ZDHHC5: variants seen among roughly 807,000 people sequenced by gnomAD.
The protein encoded by ZDHHC5 is palmitoyltransferase ZDHHC5.
A neutral mutation model predicts 70.0 loss-of-function variants in ZDHHC5; 22 were observed. The ratio of observed to expected loss-of-function variants is 0.31; its 90% CI spans 0.22 to 0.45. ZDHHC5 has a LOEUF of 0.45. ZDHHC5 is among the 20% of genes least tolerant of loss of function. The probability of loss-of-function intolerance (pLI) is 1.00; values close to 1 mark genes in which losing one functional copy is unlikely to be tolerated. For synonymous variants in ZDHHC5, 313 were observed against 347.8 expected, an observed-to-expected ratio of 0.90 and a Z score of 1.11; for missense variants, 746 against 926.9, an observed-to-expected ratio of 0.80 and a Z score of 2.53.
At position 57,692,668 on chromosome 11, in the gene ZDHHC5, G is replaced by C; in HGVS notation, c.718G>C (p.Val240Leu). 1.2e-6 allele frequency: 2 copies of C among 1,614,142 alleles called. No homozygotes were observed. Among genetic ancestry groups the C allele is most frequent in the Non-Finnish European group, 1.7e-6 (2 of 1,180,026 alleles). Residue 240 changes from valine (V) to leucine (L), a missense_variant, in exon 7 of 12, where the codon GTC (valine) becomes CTC (leucine). Coordinates refer to ENST00000287169, the MANE Select transcript of ZDHHC5 (RefSeq NM_015457.3). ...CTTCACCAATGGCTGCTGTAACAAT[G>C]TCAGCCGTGTTCTCTGCAGTTCTCC... ...NPFTNGCCNN[V>L]SRVLCSSPAP...
rs184775241 is a variant in ZDHHC5, at chr11:57,668,999, A to G, written c.-1071+812A>G. On this transcript the variant is annotated intron_variant, in intron 1 of 11. Transcript: ENST00000287169. ...GCCTTGGATTCTTCACTTCCTGGTTAATGCCATCTTGACCAAGTTGATCTA... is the reference window on the plus strand; with the variant it reads ...GCCTTGGATTCTTCACTTCCTGGTTGATGCCATCTTGACCAAGTTGATCTA... Among the ~76,000 whole-genome samples the G allele has an allele frequency of 8.6e-4, 131 of 152,334 alleles. 2 individuals carry two copies. Among genetic ancestry groups the G allele is most frequent in the African/African-American group, 2.9e-3 (121 of 41,574 alleles).
chr11:57,687,756 G>GTTTTTTTTTTTTTTTTTTTT (rs746146074), intron 3 of ZDHHC5, among the ~76,000 whole-genome samples: 1 of 75,274 alleles, frequency 1.3e-5, no homozygotes, highest in African/African-American at 5.2e-5. Flanking sequence ...TTTTGGGAAA[G>GTTTTTTTTTTTTTTTTTTTT]TTTTTTTTTT....
Position 57,672,279 on chromosome 11 carries a change from G to A in ZDHHC5, c.-812G>A, listed in dbSNP as rs1946016129. On this transcript the variant is annotated 5_prime_UTR_variant, in exon 2 of 12. Coordinates refer to ENST00000287169, the MANE Select transcript of ZDHHC5 (RefSeq NM_015457.3). ...GAAACAGAGCCCTTAAAGGGCTTGG[G>A]AATAACAAGAAGAGATTGAAGACAG... 2.5e-6 allele frequency: 1 copy of A among 398,358 alleles called. No homozygotes were observed. Among genetic ancestry groups the A allele is most frequent in the African/African-American group, 2.1e-5 (1 of 48,642 alleles). 24.7% of individuals were successfully genotyped at this position (398,358 alleles called of 1,614,324 possible).
At chr11:57,692,803 A>C in intron 7 of ZDHHC5, 101 bp downstream of exon 7, 2 of 1,181,422 alleles carry the variant, frequency 1.7e-6, no homozygotes, top group Admixed American at 4.7e-5. Context: ...GCCTTTAGGA[A>C]GGGTTCTCTA....
rs1565192832 is a variant in ZDHHC5, at chr11:57,682,428, A to G, written c.111A>G (p.Pro37=). The G allele has an allele frequency of 6.2e-7, 1 of 1,612,724 alleles. No individual in the cohort carries two copies. The highest frequency in any genetic ancestry group is 2.2e-5 in the East Asian group (1 of 44,820). The stretch of plus-strand genomic sequence containing the variant: ...TTCTTTATTGTCTGTGCAGGTGTCC[A>G]GGACTAAGCCTGTATGTGTCACCTG... ...ATTLFFAFTC[P]GLSLYVSPAV... is the part of the protein sequence containing the mutation. The change falls in exon 3 of 12, where the codon CCA becomes CCG. Residue 37 remains proline (P), a synonymous_variant. Transcript: ENST00000287169.
rs779992175 is a variant in ZDHHC5, at chr11:57,698,666, T to C, written c.1230T>C (p.Pro410=). ...PSLEPESFRS[P]TFGKSFHFDP... Reference sequence around the variant, plus strand: ...TGGAACCAGAGAGCTTCCGTTCTCCTACCTTTGGCAAAAGTTTTCACTTCG... The same window carrying C: ...TGGAACCAGAGAGCTTCCGTTCTCCCACCTTTGGCAAAAGTTTTCACTTCG... Residue 410 remains proline (P), a synonymous_variant, in exon 11 of 12, where the codon CCT becomes CCC. Transcript: ENST00000287169. 2 of 1,614,182 alleles carry C rather than the reference T, an allele frequency of 1.2e-6. No homozygotes were observed. Among genetic ancestry groups the C allele is most frequent in the Non-Finnish European group, 1.7e-6 (2 of 1,180,036 alleles).
At chr11:57,687,027 C>T (rs1020085056) in intron 3 of ZDHHC5, among the ~76,000 whole-genome samples, 17 of 151,994 alleles carry the variant, frequency 1.1e-4, no homozygotes, top group African/African-American at 3.6e-4. Context: ...GATGGGGTTT[C>T]GCCATTTTGG....
At chr11:57,687,729 T>TA (rs1297288375) in intron 3 of ZDHHC5, among the ~76,000 whole-genome samples, 1 of 149,572 alleles carries the variant, frequency 6.7e-6, no homozygotes, top group African/African-American at 2.5e-5. Context: ...AGAAAATTCA[T>TA]AGAGTAGGGG....
rs759175821 is a variant in ZDHHC5, at chr11:57,699,286, G to A, written c.1850G>A (p.Arg617Gln). The A allele has an allele frequency of 9.3e-6, 15 of 1,614,092 alleles. No individual in the cohort carries two copies. The highest frequency in any genetic ancestry group is 3.3e-4 in the Middle Eastern group (2 of 6,084). Residue 617 changes from arginine to glutamine, a missense_variant, in exon 11 of 12, where the codon CGG becomes CAG. Coordinates refer to ENST00000287169, the MANE Select transcript of ZDHHC5 (RefSeq NM_015457.3). ...GGCAAGCCAGATGGGCTAAGGGGCC[G>A]GGGAGTAGGGTCCCCTGAACCAGGC... is the stretch of plus-strand genomic sequence containing the variant. ...RFGKPDGLRG[R>Q]GVGSPEPGPT...
In ZDHHC5 at chr11:57,672,811, T is replaced by C. The variant is rs929662288; in HGVS notation, c.-280T>C. The stretch of plus-strand genomic sequence containing the variant: ...TACTGTTTGTCTCCAGTTTTTAAAC[T>C]GTACAAGTTGTGTTTCTTAATCTTC... On this transcript the variant is annotated 5_prime_UTR_variant, in exon 2 of 12. Coordinates refer to ENST00000287169, the MANE Select transcript of ZDHHC5 (RefSeq NM_015457.3). The C allele has an allele frequency of 2.7e-6, 1 of 371,812 alleles. No individual in the cohort carries two copies. 23.0% of individuals were successfully genotyped at this position (371,812 alleles called of 1,614,324 possible). A position where few individuals can be genotyped will look rare whatever the true frequency, so the allele number is the denominator to read the frequency against.
At position 57,693,890 on chromosome 11, in the gene ZDHHC5, T is replaced by A. The variant is rs1946316924; in HGVS notation, c.860T>A (p.Ile287Asn). The A allele has an allele frequency of 1.2e-6, 2 of 1,613,288 alleles. No homozygotes were observed. Among genetic ancestry groups the A allele is most frequent in the South Asian group, 2.2e-5 (2 of 90,864 alleles). The change falls in exon 8 of 12, where the codon ATC (isoleucine) becomes AAC (asparagine). Residue 287 changes from isoleucine to asparagine, a missense_variant. Transcript: ENST00000287169. ...QITVKIMDNGIQGELRRTKSK... is the reference protein window; with the variant it reads ...QITVKIMDNGNQGELRRTKSK... ...ACTGTGAAGATCATGGATAATGGCA[T>A]CCAGGGAGAGCTGAGGAGAACAAAG...
chr11:57,689,395 C>T (rs1946251450), intron 4 of ZDHHC5, among the ~76,000 whole-genome samples: 2 of 151,436 alleles, frequency 1.3e-5, no homozygotes, highest in African/African-American at 2.4e-5. Context: ...ATTTATTTAT[C>T]GAGACGGAGT....
chr11:57,698,754 C>G lies in ZDHHC5; in HGVS notation c.1318C>G (p.Leu440Val). Residue 440 changes from leucine (L) to valine (V), a missense_variant, in exon 11 of 12, where the codon CTG (leucine) becomes GTG (valine). Leu to Val is a conservative substitution (Grantham distance 32). Transcript: ENST00000287169. ...LKSAQGTGFE[L>V]GQLQSIRSEG... ...GTCAGCCCAGGGCACAGGCTTTGAG[C>G]TGGGCCAGTTGCAATCCATTCGTTC... The G allele has an allele frequency of 6.2e-7, 1 of 1,614,202 alleles. No homozygotes were observed. The highest frequency in any genetic ancestry group is 8.5e-7 in the Non-Finnish European group (1 of 1,180,018).
intron 6 of ZDHHC5, among the ~76,000 whole-genome samples, chr11:57,690,739 G>C (rs1649337606): frequency 6.6e-6 from 1 of 152,126 alleles, no homozygotes; most frequent in South Asian, 2.1e-4. Context: ...TGCGCAAACT[G>C]TCGCAAGGAC....
intron 7 of ZDHHC5, among the ~76,000 whole-genome samples, chr11:57,693,015 G>A (rs1590868951): frequency 6.6e-6 from 1 of 152,170 alleles, no homozygotes; most frequent in Middle Eastern, 3.4e-3. Context: ...CTCAGATCAT[G>A]AGGCATTAGA....
rs779792340 is a variant in ZDHHC5 at position 57,693,938 on chromosome 11, G to A, written c.885+23G>A. On this transcript the variant is annotated intron_variant, in intron 8 of 11. Transcript: ENST00000287169. Reference sequence around the variant, plus strand: ...AAGGTGAGGAATTTAGAGAAGTCAAGCTAGATAACATGGAAGTCTCACCCA... The same window carrying A: ...AAGGTGAGGAATTTAGAGAAGTCAAACTAGATAACATGGAAGTCTCACCCA... The A allele has an allele frequency of 3.1e-6, 5 of 1,597,324 alleles. No individual in the cohort carries two copies. The East Asian group carries it at 6.7e-5, about 22-fold the overall frequency.
rs575431064 is a variant in ZDHHC5, at chr11:57,668,127, C to T, written c.-1131C>T. ...CGCGCGCTGCTTCTCTGAGGCAGGA[C>T]GGCACTGCCGGGAGGCGGCGGTGAC... On this transcript the variant is annotated 5_prime_UTR_variant, in exon 1 of 12. The change creates a new upstream start codon in the 5' untranslated region. Transcript: ENST00000287169. 5.4e-6 allele frequency: 2 copies of T among 371,620 alleles called. No homozygotes were observed. Among genetic ancestry groups the T allele is most frequent in the South Asian group, 1.4e-4 (1 of 7,228 alleles). The allele number at this position is 371,620 out of a possible 1,614,324, so 23.0% of individuals were successfully genotyped here.
chr11:57,681,287 T>C (rs1946147070), intron 2 of ZDHHC5, among the ~76,000 whole-genome samples: 1 of 152,210 alleles, frequency 6.6e-6, no homozygotes, highest in African/African-American at 2.4e-5. Context: ...TTCTCTGGAA[T>C]CATATGCTGT....
chr11:57,687,495 C>T (rs1039364199), intron 3 of ZDHHC5, among the ~76,000 whole-genome samples: 8 of 151,958 alleles, frequency 5.3e-5, no homozygotes, highest in Non-Finnish European at 7.4e-5. Context: ...CACTTGAACC[C>T]GGCAGGTGGA....
Sources: allele counts gnomAD v4.1 joint callset (sites outside exome capture counted in the v4.1 genomes callset), GRCh38; gene constraint gnomAD v4.1.1; transcripts MANE v1.5; gene names NCBI Gene and HGNC (gene_info 2026-07-23, HGNC 2026-07-21).